The following ARHGAP28 variants were observed in gnomAD, a reference collection of about 807,000 sequenced individuals.
ARHGAP28 encodes Rho GTPase activating protein 28.
ARHGAP28 carries 56 observed loss-of-function variants against 90.7 expected under a neutral mutation model. That is an observed-to-expected ratio of 0.62 (90% CI 0.50 to 0.77). The LOEUF (loss-of-function observed/expected upper bound fraction) is 0.77. Among genes scored for constraint, ARHGAP28 ranks in the 30% least tolerant of loss-of-function variants. The pLI is 0.00. For missense variants in ARHGAP28, 869 were observed against 900.9 expected (o/e 0.96, Z 0.45); for synonymous variants, 308 against 323.3 (o/e 0.95, Z 0.51).
intron 1 of ARHGAP28, among the ~76,000 whole-genome samples, chr18:6,765,217 G>C (rs902111800): frequency 1.3e-5 from 2 of 152,178 alleles, no homozygotes; most frequent in African/African-American, 4.8e-5. Context: ...TTCTGTGCAA[G>C]TTTGGTTTCT....
chr18:6,898,819 G>A, intron 16 of ARHGAP28: 3 of 1,071,214 alleles, frequency 2.8e-6, no homozygotes, highest in South Asian at 6.2e-5. Flanking sequence ...TCACTCGTAA[G>A]TGGGAGCTAA....
chr18:6,752,092 G>A (rs1340166781), intron 1 of ARHGAP28, among the ~76,000 whole-genome samples: 1 of 152,132 alleles, frequency 6.6e-6, no homozygotes, highest in Non-Finnish European at 1.5e-5. Context: ...TAATTTTCAA[G>A]GTGGTCATTA....
intron 7 of ARHGAP28, among the ~76,000 whole-genome samples, chr18:6,871,135 G>A (rs942732493): frequency 2.6e-5 from 4 of 152,140 alleles, no homozygotes; most frequent in South Asian, 2.1e-4. Flanking sequence ...GTGTGTGCAC[G>A]GGGATTTCAG....
At chr18:6,868,687 G>T (rs1264710729) in intron 6 of ARHGAP28, among the ~76,000 whole-genome samples, 1 of 151,934 alleles carries the variant, frequency 6.6e-6, no homozygotes. Flanking sequence ...AGATGGGCTA[G>T]GTATGGAATC....
intron 14 of ARHGAP28, among the ~76,000 whole-genome samples, chr18:6,891,375 C>T (rs562859434): frequency 6.6e-6 from 1 of 152,182 alleles, no homozygotes; most frequent in South Asian, 2.1e-4. Context: ...AGTGATTCTC[C>T]TGCCTCAGCC....
At chr18:6,878,188 C>T (rs2057148127) in intron 10 of ARHGAP28, among the ~76,000 whole-genome samples, 1 of 151,972 alleles carries the variant, frequency 6.6e-6, no homozygotes, top group Non-Finnish European at 1.5e-5. Flanking sequence ...AGTTCATGTC[C>T]TTTGTAGGGA....
At chr18:6,910,264 C>A (rs1392237049) in intron 17 of ARHGAP28, among the ~76,000 whole-genome samples, 1 of 152,154 alleles carries the variant, frequency 6.6e-6, no homozygotes, top group African/African-American at 2.4e-5. Flanking sequence ...TGCTGGAGAC[C>A]CTGTGCCCCT....
intron 1 of ARHGAP28, chr18:6,778,944 A>G (rs949329489): frequency 4.6e-5 from 7 of 152,208 alleles, no homozygotes; most frequent in Non-Finnish European, 7.3e-5. Flanking sequence ...TTCATCTTAC[A>G]GAATCACCAC....
At chr18:6,789,814 CTTTTG>C (rs1457160041) in intron 1 of ARHGAP28, 1 of 149,790 alleles carries the variant, frequency 6.7e-6, no homozygotes, top group Non-Finnish European at 1.5e-5. Flanking sequence ...CAAATTGTTT[CTTTTG>C]TTTGTTTGTT....
intron 1 of ARHGAP28, among the ~76,000 whole-genome samples, chr18:6,738,809 G>C (rs2055950704): frequency 6.6e-6 from 1 of 152,126 alleles, no homozygotes; most frequent in Non-Finnish European, 1.5e-5. Flanking sequence ...TCAAAGAAGT[G>C]AGGACTAAAT....
intron 1 of ARHGAP28, among the ~76,000 whole-genome samples, chr18:6,787,728 A>T (rs1021415495): frequency 1.3e-5 from 2 of 152,228 alleles, no homozygotes; most frequent in Non-Finnish European, 2.9e-5. Context: ...TTTCAAAAAC[A>T]CAGTTTTAAC....
chr18:6,892,279 G>T (rs2057272070), intron 14 of ARHGAP28, among the ~76,000 whole-genome samples: 1 of 152,090 alleles, frequency 6.6e-6, no homozygotes, highest in South Asian at 2.1e-4. Context: ...CTCCCAGGTA[G>T]CTGGGATTAC....
At chr18:6,824,615 A>T in intron 1 of ARHGAP28, 147 bp from the exon 2 acceptor site, 30 of 493,624 alleles carry the variant, frequency 6.1e-5, no homozygotes, top group Non-Finnish European at 9.3e-5. Context: ...AGTGGAGATT[A>T]TTCCCTCAAA....
intron 1 of ARHGAP28, among the ~76,000 whole-genome samples, chr18:6,761,694 G>A (rs1248729415): frequency 1.3e-5 from 2 of 152,206 alleles, no homozygotes; most frequent in South Asian, 2.1e-4. Flanking sequence ...GTTAATGATC[G>A]AATGACCTCC....
At chr18:6,910,875 C>G (rs559023867) in intron 17 of ARHGAP28, among the ~76,000 whole-genome samples, 11 of 138,710 alleles carry the variant, frequency 7.9e-5, no homozygotes, top group African/African-American at 2.4e-4. Context: ...GACGGAGTCT[C>G]GCTCTGTCGC....
chr18:6,789,488 T>C (rs919198378), intron 1 of ARHGAP28: 1 of 152,156 alleles, frequency 6.6e-6, no homozygotes, highest in African/African-American at 2.4e-5. Flanking sequence ...GGCAGAAGAA[T>C]TGCTTGAACA....
chr18:6,894,757 A>T lies in ARHGAP28; in HGVS notation c.1849-78A>T, dbSNP rs553326458. 1.1e-5 allele frequency: 13 copies of T among 1,202,032 alleles called. No homozygotes were observed. In the East Asian group the frequency reaches 3.2e-4, roughly 30 times the overall value. The allele number at this position is 1,202,032 out of a possible 1,614,324, so 74.5% of individuals were successfully genotyped here. Reference sequence around the variant, plus strand: ...TATTGCCAAAATGTTCTCCATAAAGATTGTACCAGTTTACACTTCCAAAAG... The same window carrying T: ...TATTGCCAAAATGTTCTCCATAAAGTTTGTACCAGTTTACACTTCCAAAAG... On this transcript the variant is annotated intron_variant, in intron 14 of 17. Coordinates refer to ENST00000383472, the MANE Select transcript of ARHGAP28 (RefSeq NM_001366230.1).
intron 15 of ARHGAP28, among the ~76,000 whole-genome samples, chr18:6,895,278 G>A (rs2057296654): frequency 6.6e-6 from 1 of 152,062 alleles, no homozygotes; most frequent in Admixed American, 6.5e-5. Flanking sequence ...CTCCCACCCA[G>A]ATCCAAATCC....
chr18:6,821,481 G>GC (rs1381541542), intron 1 of ARHGAP28, among the ~76,000 whole-genome samples: 5 of 152,214 alleles, frequency 3.3e-5, no homozygotes, highest in African/African-American at 1.2e-4. Context: ...GTATGAAGCT[G>GC]CCCATTAAGG....
Sources: gnomAD v4.1 joint callset for allele counts (sites outside exome capture counted in the v4.1 genomes callset) on GRCh38, gnomAD v4.1.1 for gene constraint, MANE v1.5 for transcripts, NCBI Gene and HGNC (gene_info 2026-07-23, HGNC 2026-07-21) for gene names.